The following TMEM266 variants were observed in gnomAD, a reference collection of about 807,000 sequenced individuals.
TMEM266 encodes the protein transmembrane protein 266, also known as Hv1 related protein 1.
In TMEM266, 33 loss-of-function variants were observed where a neutral mutation model predicts 50.5. The observed-to-expected ratio is 0.65, with a 90% CI of 0.50 to 0.87. TMEM266 has a LOEUF of 0.87. TMEM266 is among the 40% of genes least tolerant of loss of function. TMEM266 has a pLI of 0.00. For synonymous variants in TMEM266, 310 were observed against 292.3 expected (o/e 1.06, Z -0.62); for missense variants, 655 against 695.1 (o/e 0.94, Z 0.65).
At chr15:76,096,864 C>T (rs767332577) in intron 1 of TMEM266, among the ~76,000 whole-genome samples, 1 of 151,574 alleles carries the variant, frequency 6.6e-6, no homozygotes, top group Non-Finnish European at 1.5e-5. Flanking sequence ...TATGTAATGC[C>T]CTTTTTTTCT....
At chr15:76,149,362 G>A (rs1052611348) in intron 3 of TMEM266, among the ~76,000 whole-genome samples, 10 of 152,122 alleles carry the variant, frequency 6.6e-5, no homozygotes, top group Admixed American at 2.0e-4. Flanking sequence ...TGTAGGCTCC[G>A]TGAGGATGAA....
Position 76,123,713 on chromosome 15 carries a change from C to CTTTT in TMEM266, c.-96-10447_-96-10444dup, listed in dbSNP as rs573502236. Among the ~76,000 whole-genome samples, 668 of 147,518 alleles carry CTTTT rather than the reference C, an allele frequency of 4.5e-3. 5 individuals are homozygous for CTTTT. The highest frequency in any genetic ancestry group is 0.015 in the African/African-American group (606 of 40,476). The stretch of plus-strand genomic sequence containing the variant: ...ATATGCCTATCCCCAAGGGATGAAT[C>CTTTT]TTTTTTTTTTTGAGATGGAGTCTTG... On this transcript the variant is annotated intron_variant, in intron 1 of 10. Coordinates refer to ENST00000388942, the MANE Select transcript of TMEM266 (RefSeq NM_152335.3).
chr15:76,064,756 A>C (rs2036379767), intron 1 of TMEM266, among the ~76,000 whole-genome samples: 2 of 152,216 alleles, frequency 1.3e-5, no homozygotes, highest in South Asian at 4.1e-4. Context: ...AAGGAATTTT[A>C]ATAAGTATTT....
At chr15:76,073,939 A>G (rs1324048415) in intron 1 of TMEM266, among the ~76,000 whole-genome samples, 5 of 152,128 alleles carry the variant, frequency 3.3e-5, no homozygotes, top group African/African-American at 4.8e-5. Flanking sequence ...ACCACACTCA[A>G]TGGGATGTTT....
chr15:76,197,170 T>C (rs961860256), intron 9 of TMEM266, among the ~76,000 whole-genome samples: 11 of 152,196 alleles, frequency 7.2e-5, no homozygotes, highest in African/African-American at 2.7e-4. Flanking sequence ...GGAGCGGGCC[T>C]GGCTGATCAT....
At chr15:76,071,245 G>C (rs2959845) in intron 1 of TMEM266, among the ~76,000 whole-genome samples, 6,166 of 152,228 alleles carry the variant, frequency 0.041, 279 homozygotes, top group East Asian at 0.19. Flanking sequence ...TCCTGTCATG[G>C]GATGTCGAAT....
chr15:76,130,034 G>C (rs1291429449), intron 1 of TMEM266, among the ~76,000 whole-genome samples: 2 of 151,638 alleles, frequency 1.3e-5, no homozygotes, highest in Non-Finnish European at 2.9e-5. Context: ...GACCAGCCTG[G>C]GCAACATACT....
chr15:76,112,637 G>A (rs2037187199), intron 1 of TMEM266: 1 of 152,152 alleles, frequency 6.6e-6, no homozygotes, highest in African/African-American at 2.4e-5. Context: ...TGTCCTTTGA[G>A]TCTGATGGAT....
At chr15:76,185,578 G>A (rs1212718259) in intron 8 of TMEM266, among the ~76,000 whole-genome samples, 2 of 152,102 alleles carry the variant, frequency 1.3e-5, no homozygotes, top group Non-Finnish European at 2.9e-5. Flanking sequence ...TGAAGTCCTT[G>A]TTTGTTCACT....
chr15:76,200,589 C>G (rs1038142241), intron 9 of TMEM266, among the ~76,000 whole-genome samples: 21 of 152,186 alleles, frequency 1.4e-4, no homozygotes, highest in African/African-American at 4.6e-4. Context: ...CATCACATGG[C>G]CCTCTGGAGT....
intron 3 of TMEM266, among the ~76,000 whole-genome samples, chr15:76,152,692 TCGCTTTCTCACTGAGGCC>T: frequency 6.8e-6 from 1 of 147,380 alleles, no homozygotes; most frequent in South Asian, 2.2e-4. Context: ...TTCTCACATG[TCGCTTTCTCACTGAGGCC>T]TGCTCTGACC....
chr15:76,174,633 A>G (rs1369650046), intron 7 of TMEM266, among the ~76,000 whole-genome samples: 1 of 152,198 alleles, frequency 6.6e-6, no homozygotes, highest in Non-Finnish European at 1.5e-5. Context: ...GAGTGTTTTC[A>G]TGACTCCAAA....
chr15:76,162,119 G>T (rs192814572), intron 5 of TMEM266, among the ~76,000 whole-genome samples: 293 of 152,270 alleles, frequency 1.9e-3, no homozygotes, highest in Non-Finnish European at 3.0e-3. Context: ...GAAGGGCTGG[G>T]TCCTCCCACA....
chr15:76,192,708 C>G (rs1370222836), intron 9 of TMEM266, among the ~76,000 whole-genome samples: 4 of 152,186 alleles, frequency 2.6e-5, no homozygotes, highest in Non-Finnish European at 5.9e-5. Flanking sequence ...GAGCGATAGC[C>G]CAGGGTAGGG....
chr15:76,189,258 A>AAGGAAGGG (rs1163078034), intron 8 of TMEM266, among the ~76,000 whole-genome samples: 4 of 150,726 alleles, frequency 2.7e-5, no homozygotes, highest in South Asian at 2.1e-4. Flanking sequence ...GGAGGGAAGT[A>AAGGAAGGG]AGGAAGGGAG....
In TMEM266 at chr15:76,090,389, G is replaced by A. The variant is rs545556028; in HGVS notation, c.-97+30373G>A. 2.6e-5 allele frequency among the ~76,000 whole-genome samples: 4 copies of A among 151,744 alleles called. No individual in the cohort carries two copies. The South Asian group carries it at 8.3e-4, about 32-fold the overall frequency. On this transcript the variant is annotated intron_variant, in intron 1 of 10. Coordinates refer to ENST00000388942, the MANE Select transcript of TMEM266 (RefSeq NM_152335.3). ...CACCTGCAATCCCAGCTGCTCAAGA[G>A]GCTGAGGCAGGAGGATCACTTGAAC...
chr15:76,069,882 TATAAG>T (rs2036510018), intron 1 of TMEM266, among the ~76,000 whole-genome samples: 1 of 152,070 alleles, frequency 6.6e-6, no homozygotes, highest in Non-Finnish European at 1.5e-5. Flanking sequence ...ATTTATAAAC[TATAAG>T]ATATTGTACA....
chr15:76,173,628 TTTCATTCACGTG>T (rs2038221039), intron 7 of TMEM266, among the ~76,000 whole-genome samples: 1 of 152,132 alleles, frequency 6.6e-6, no homozygotes, highest in Non-Finnish European at 1.5e-5. Context: ...CAGAAGCGTA[TTTCATTCACGTG>T]AAAGTCTGCA....
intron 1 of TMEM266, chr15:76,112,798 T>C (rs1185148301): frequency 6.6e-6 from 1 of 152,202 alleles, no homozygotes; most frequent in Non-Finnish European, 1.5e-5. Context: ...TTATGAGCCC[T>C]GACCGTAAGG....
Sources: gnomAD v4.1 joint callset for allele counts (sites outside exome capture counted in the v4.1 genomes callset) on GRCh38, gnomAD v4.1.1 for gene constraint, MANE v1.5 for transcripts, NCBI Gene and HGNC (gene_info 2026-07-23, HGNC 2026-07-21) for gene names.